The following AGBL4 variants were observed in gnomAD, a reference collection of about 807,000 sequenced individuals.
AGBL4 encodes the protein cytosolic carboxypeptidase 6.
Under a neutral mutation model 66.4 loss-of-function variants are expected in AGBL4, and 58 were observed. The observed-to-expected ratio is 0.87, with a 90% confidence interval of 0.71 to 1.09. The LOEUF is 1.09. AGBL4 is among the 50% of genes least tolerant of loss of function. The probability of loss-of-function intolerance (pLI) is 0.00; values close to 1 mark genes in which losing one functional copy is unlikely to be tolerated. For synonymous variants in AGBL4, 234 were observed against 222.9 expected (o/e 1.05, Z -0.44); for missense variants, 579 against 631.0 (o/e 0.92, Z 0.88).
intron 7 of AGBL4, 39 bp downstream of exon 7, chr1:48,663,113 G>C (rs1557863093): frequency 6.3e-7 from 1 of 1,589,646 alleles, no homozygotes; most frequent in Non-Finnish European, 8.6e-7. Context: ...GTCCCAGTTG[G>C]ATGTGGGTAT....
intron 3 of AGBL4, among the ~76,000 whole-genome samples, chr1:49,472,834 T>C (rs1173476729): frequency 6.6e-6 from 1 of 151,952 alleles, no homozygotes; most frequent in Non-Finnish European, 1.5e-5. Flanking sequence ...TCCCTCCTTC[T>C]GGAATCCCCA....
At chr1:49,460,457 T>C (rs1646487725) in intron 3 of AGBL4, among the ~76,000 whole-genome samples, 1 of 151,682 alleles carries the variant, frequency 6.6e-6, no homozygotes. Context: ...TTTCCAGCCC[T>C]TTTCCTTAGA....
chr1:49,831,924 A>G (rs1432769742), intron 2 of AGBL4, among the ~76,000 whole-genome samples: 1 of 151,876 alleles, frequency 6.6e-6, no homozygotes, highest in Non-Finnish European at 1.5e-5. Flanking sequence ...TAATTTGCAT[A>G]TGTTGAACCA....
At chr1:49,072,715 G>C (rs1644632811) in intron 4 of AGBL4, among the ~76,000 whole-genome samples, 1 of 152,134 alleles carries the variant, frequency 6.6e-6, no homozygotes, top group African/African-American at 2.4e-5. Flanking sequence ...TGACGATTAT[G>C]TGTCTTGGGG....
chr1:48,840,860 G>A (rs1452863829), intron 6 of AGBL4, among the ~76,000 whole-genome samples: 1 of 152,278 alleles, frequency 6.6e-6, no homozygotes, highest in East Asian at 1.9e-4. Flanking sequence ...AATTCAGATG[G>A]CCTTCAGTGA....
At chr1:48,953,550 G>T (rs948050331) in intron 5 of AGBL4, among the ~76,000 whole-genome samples, 2 of 152,158 alleles carry the variant, frequency 1.3e-5, no homozygotes, top group African/African-American at 4.8e-5. Context: ...GACTCATGAA[G>T]AAGAGTATTC....
chr1:49,385,295 CTG>C (rs1644714054), intron 3 of AGBL4, among the ~76,000 whole-genome samples: 1 of 151,966 alleles, frequency 6.6e-6, no homozygotes, highest in Non-Finnish European at 1.5e-5. Context: ...ATTTTATGTT[CTG>C]TGTGTTTTTT....
At chr1:48,981,140 T>C (rs539378212) in intron 5 of AGBL4, among the ~76,000 whole-genome samples, 1 of 152,258 alleles carries the variant, frequency 6.6e-6, no homozygotes, top group South Asian at 2.1e-4. Flanking sequence ...GTCATAGACA[T>C]AGCAACACAA....
intron 3 of AGBL4, among the ~76,000 whole-genome samples, chr1:49,665,505 A>G (rs1646347811): frequency 6.6e-6 from 1 of 152,148 alleles, no homozygotes; most frequent in African/African-American, 2.4e-5. Context: ...TAAGGCACCT[A>G]GTACAATGTG....
intron 6 of AGBL4, among the ~76,000 whole-genome samples, chr1:48,694,319 T>C (rs1646682542): frequency 1.3e-5 from 2 of 152,164 alleles, no homozygotes; most frequent in Non-Finnish European, 1.5e-5. Context: ...ACTGACAATG[T>C]TTTAAAAAAA....
At chr1:49,210,835 G>T (rs1648609391) in intron 4 of AGBL4, among the ~76,000 whole-genome samples, 1 of 152,084 alleles carries the variant, frequency 6.6e-6, no homozygotes, top group South Asian at 2.1e-4. Flanking sequence ...TGAGTCCTAT[G>T]TGGTTATAAT....
intron 3 of AGBL4, among the ~76,000 whole-genome samples, chr1:49,322,219 G>C (rs1009199806): frequency 1.3e-5 from 2 of 152,118 alleles, no homozygotes; most frequent in East Asian, 1.9e-4. Context: ...GAAATAAATA[G>C]GCAAATTCCA....
intron 3 of AGBL4, among the ~76,000 whole-genome samples, chr1:49,264,866 G>A (rs1439354538): frequency 6.6e-6 from 1 of 152,162 alleles, no homozygotes. Flanking sequence ...TTTGATAATT[G>A]TAGTTTCATG....
intron 2 of AGBL4, among the ~76,000 whole-genome samples, chr1:49,763,415 A>T (rs1652490137): frequency 1.3e-5 from 2 of 152,152 alleles, no homozygotes; most frequent in Non-Finnish European, 2.9e-5. Flanking sequence ...CCAGTCTAAG[A>T]TGGCTGAGAA....
At chr1:49,559,176 T>C (rs1305489) in intron 3 of AGBL4, among the ~76,000 whole-genome samples, 104,195 of 152,080 alleles carry the variant, frequency 0.69, 36,535 homozygotes, top group African/African-American at 0.78. Flanking sequence ...GTGGTAACCA[T>C]GCAGGTTTTT....
intron 1 of AGBL4, among the ~76,000 whole-genome samples, chr1:49,951,374 GAACTATT>G (rs1308861837): frequency 6.6e-6 from 1 of 151,724 alleles, no homozygotes; most frequent in African/African-American, 2.4e-5. Context: ...CTGATAACAA[GAACTATT>G]AACCATTAAC....
At chr1:49,234,192 C>G (rs534070304) in intron 4 of AGBL4, among the ~76,000 whole-genome samples, 8 of 152,210 alleles carry the variant, frequency 5.3e-5, no homozygotes, top group Non-Finnish European at 1.0e-4. Context: ...GTTGGCCTAC[C>G]CAAACATAGG....
chr1:49,863,425 A>G (rs1428034731), intron 1 of AGBL4, among the ~76,000 whole-genome samples: 2 of 152,190 alleles, frequency 1.3e-5, no homozygotes, highest in Admixed American at 6.6e-5. Context: ...AGCAACAATG[A>G]ACAAATGACA....
At chr1:49,068,261 G>A (rs1318989059) in intron 4 of AGBL4, among the ~76,000 whole-genome samples, 3 of 149,358 alleles carry the variant, frequency 2.0e-5, no homozygotes, top group Admixed American at 6.7e-5. Flanking sequence ...TATAAGTTCT[G>A]GGGTACATGT....
Sources: allele counts gnomAD v4.1 joint callset (sites outside exome capture counted in the v4.1 genomes callset), GRCh38; gene constraint gnomAD v4.1.1; transcripts MANE v1.5; gene names NCBI Gene and HGNC (gene_info 2026-07-23, HGNC 2026-07-21).